Variants in ZNF664 observed in about 807,000 individuals in gnomAD.
The protein encoded by ZNF664 is zinc finger Organ of Corti 1.
A neutral mutation model predicts 18.2 loss-of-function variants in ZNF664; 10 were observed. The ratio of observed to expected loss-of-function variants is 0.55; its 90% CI spans 0.34 to 0.93. The LOEUF is 0.93. ZNF664 is among the 40% of genes least tolerant of loss of function. ZNF664 has a pLI of 0.02. For synonymous variants in ZNF664, 119 were observed against 104.2 expected (o/e 1.14, Z -0.86); for missense variants, 193 against 319.0 (o/e 0.61, Z 3.01).
intron 3 of ZNF664, among the ~76,000 whole-genome samples, chr12:123,992,769 T>C (rs1956903619): frequency 6.6e-6 from 1 of 152,194 alleles, no homozygotes; most frequent in African/African-American, 2.4e-5. Flanking sequence ...GCAGAATGCA[T>C]TGGTGCCTGA....
Position 124,013,094 on chromosome 12 carries a change from G to A in ZNF664, c.*164G>A. 1 of 992,232 alleles carries A rather than the reference G, an allele frequency of 1.0e-6. No individual in the cohort carries two copies. Among genetic ancestry groups the A allele is most frequent in the Non-Finnish European group, 1.5e-6 (1 of 686,390 alleles). The allele number at this position is 992,232 out of a possible 1,614,324, so 61.5% of individuals were successfully genotyped here. On this transcript the variant is annotated 3_prime_UTR_variant, in exon 5 of 5. Transcript: ENST00000337815. ...TGATTTGTTGGTTCATGCCAAGTGT[G>A]TTCCACAGGTTGACTTTGAATGTGG...
chr12:123,999,414 A>C (rs1445541570), intron 3 of ZNF664, among the ~76,000 whole-genome samples: 2 of 152,344 alleles, frequency 1.3e-5, no homozygotes, highest in South Asian at 4.1e-4. Flanking sequence ...GAGGGGGATT[A>C]TATATAGTTA....
At chr12:123,977,462 C>CAAAAAAA (rs58043898) in intron 2 of ZNF664, among the ~76,000 whole-genome samples, 3 of 94,174 alleles carry the variant, frequency 3.2e-5, no homozygotes, top group African/African-American at 7.4e-5. Context: ...CTAAAATGGC[C>CAAAAAAA]AAAAAAAAAA....
chr12:124,011,637 G>A lies in ZNF664; in HGVS notation c.-508G>A. Reference sequence around the variant, plus strand: ...GCCTGCTTGCTGGAAAGGCTTTCCTGTCTGATGTGCAGGAGGCAGAATGCC... The same window carrying A: ...GCCTGCTTGCTGGAAAGGCTTTCCTATCTGATGTGCAGGAGGCAGAATGCC... On this transcript the variant is annotated 5_prime_UTR_variant, in exon 5 of 5. Coordinates refer to ENST00000337815, the MANE Select transcript of ZNF664 (RefSeq NM_152437.3). The A allele has an allele frequency of 9.9e-7, 1 of 1,006,182 alleles. No homozygotes were observed. The highest frequency in any genetic ancestry group is 1.2e-6 in the Non-Finnish European group (1 of 846,272). The allele number at this position is 1,006,182 out of a possible 1,614,324, so 62.3% of individuals were successfully genotyped here.
Position 123,996,137 on chromosome 12 carries a change from A to T in ZNF664, c.-661+7999A>T, listed in dbSNP as rs539680042. 3.2e-4 allele frequency among the ~76,000 whole-genome samples: 49 copies of T among 152,326 alleles called. No individual in the cohort carries two copies. The South Asian group carries it at 8.9e-3, about 28-fold the overall frequency. On this transcript the variant is annotated intron_variant, in intron 3 of 4. Coordinates refer to ENST00000337815, the MANE Select transcript of ZNF664 (RefSeq NM_152437.3). ...CCAGGCAGGTACATTGAAGAAAGAA[A>T]GTATGTATTGAGCTTAAGTACTATA...
At chr12:123,976,035 G>A (rs557728045) in intron 2 of ZNF664, among the ~76,000 whole-genome samples, 11 of 152,116 alleles carry the variant, frequency 7.2e-5, no homozygotes, top group Non-Finnish European at 1.3e-4. Flanking sequence ...TACGATTAGG[G>A]GCTTTTTATG....
At chr12:123,978,131 T>A (rs776846140) in intron 2 of ZNF664, among the ~76,000 whole-genome samples, 12 of 151,790 alleles carry the variant, frequency 7.9e-5, no homozygotes, top group Non-Finnish European at 1.5e-4. Flanking sequence ...ATTAGTGTAT[T>A]AGACTACATA....
intron 2 of ZNF664, among the ~76,000 whole-genome samples, chr12:123,981,503 C>T (rs1458524219): frequency 1.3e-5 from 2 of 152,144 alleles, no homozygotes; most frequent in African/African-American, 4.8e-5. Context: ...TGCCCTGTGC[C>T]GGCTCAGGGC....
intron 4 of ZNF664, 27 bp from the exon 5 acceptor site, chr12:124,011,519 A>G (rs1957135861): frequency 1.2e-6 from 1 of 800,242 alleles, no homozygotes; most frequent in Non-Finnish European, 1.5e-6. Context: ...AGCATTTTCA[A>G]TTTATTTATT....
chr12:124,009,077 A>C (rs1019365819), intron 3 of ZNF664, among the ~76,000 whole-genome samples: 3 of 152,210 alleles, frequency 2.0e-5, no homozygotes, highest in Non-Finnish European at 4.4e-5. Flanking sequence ...TTTTTTCTTA[A>C]CTTTGATTTT....
Position 124,013,732 on chromosome 12 carries a change from C to A in ZNF664, c.*802C>A, listed in dbSNP as rs978419810. ...GAGGAAGAAGCAAGCAAAGTGAGAG[C>A]TTTTCTTCATCCAGAATTGCCCTCT... is the stretch of plus-strand genomic sequence containing the variant. On this transcript the variant is annotated 3_prime_UTR_variant, in exon 5 of 5. Coordinates refer to ENST00000337815, the MANE Select transcript of ZNF664 (RefSeq NM_152437.3). 1 of 167,106 alleles carries A rather than the reference C, an allele frequency of 6.0e-6. No individual in the cohort carries two copies. Among genetic ancestry groups the A allele is most frequent in the Non-Finnish European group, 1.5e-5 (1 of 68,140 alleles). 10.4% of individuals were successfully genotyped at this position (167,106 alleles called of 1,614,324 possible). A position where few individuals can be genotyped will look rare whatever the true frequency, so the allele number is the denominator to read the frequency against.
chr12:124,008,899 C>A (rs76109581), intron 3 of ZNF664, among the ~76,000 whole-genome samples: 2,996 of 152,034 alleles, frequency 0.02, 100 homozygotes, highest in African/African-American at 0.069. Context: ...CCCAGCCATT[C>A]CTCCAAGGAC....
intron 2 of ZNF664, among the ~76,000 whole-genome samples, chr12:123,986,036 C>A (rs1252268960): frequency 2.0e-5 from 3 of 151,462 alleles, no homozygotes; most frequent in African/African-American, 7.3e-5. Flanking sequence ...GCCTTAGGGA[C>A]TGTGCCTATA....
chr12:123,980,500 A>G (rs1956751385), intron 2 of ZNF664, among the ~76,000 whole-genome samples: 1 of 152,244 alleles, frequency 6.6e-6, no homozygotes, highest in Admixed American at 6.5e-5. Context: ...CTTTCTGCAC[A>G]AAATATGTAT....
In ZNF664 at chr12:123,973,611, C is replaced by T. The variant is rs531905579; in HGVS notation, c.-892+259C>T. On this transcript the variant is annotated intron_variant, in intron 1 of 4. Coordinates refer to ENST00000337815, the MANE Select transcript of ZNF664 (RefSeq NM_152437.3). ...GGGCCCGCAGTGCGGGGGAGCGGGG[C>T]CGGGGGGCGCAGATGGCGGCCGGTG... 265 of 423,056 alleles carry T rather than the reference C, an allele frequency of 6.3e-4. 3 individuals are homozygous for T. The Middle Eastern group carries it at 0.018, about 29-fold the overall frequency. The allele number at this position is 423,056 out of a possible 1,614,324, so 26.2% of individuals were successfully genotyped here. A position where few individuals can be genotyped will look rare whatever the true frequency, so the allele number is the denominator to read the frequency against.
chr12:123,973,437 G>A, intron 1 of ZNF664, 85 bp downstream of exon 1: 1 of 794,170 alleles, frequency 1.3e-6, no homozygotes, highest in Non-Finnish European at 1.5e-6. Context: ...GGCTGGGGGT[G>A]GGAAGGAGGT....
chr12:124,015,247 G>T lies in ZNF664; in HGVS notation c.*2317G>T, dbSNP rs1186064198. ...ATTTCCGAGTTTCCAGCTAGTCCTA[G>T]AGTTCTATATTTCTACATAGTTGAA... On this transcript the variant is annotated 3_prime_UTR_variant, in exon 5 of 5. Coordinates refer to ENST00000337815, the MANE Select transcript of ZNF664 (RefSeq NM_152437.3). The T allele has an allele frequency of 6.0e-6, 1 of 167,052 alleles. No homozygotes were observed. Among genetic ancestry groups the T allele is most frequent in the Non-Finnish European group, 1.5e-5 (1 of 68,126 alleles). The allele number at this position is 167,052 out of a possible 1,614,324, so 10.3% of individuals were successfully genotyped here.
At chr12:123,977,019 G>T (rs956403566) in intron 2 of ZNF664, among the ~76,000 whole-genome samples, 1 of 152,194 alleles carries the variant, frequency 6.6e-6, no homozygotes, top group Non-Finnish European at 1.5e-5. Flanking sequence ...GGTGGAGCTT[G>T]CAGTGAGCGG....
intron 3 of ZNF664, 109 bp from the exon 4 acceptor site, chr12:124,011,272 A>C: frequency 1.0e-6 from 1 of 979,986 alleles, no homozygotes; most frequent in Non-Finnish European, 1.2e-6. Context: ...TTTCTCTTTC[A>C]ATAATGTTCC....
Sources: gnomAD v4.1 joint callset for allele counts (sites outside exome capture counted in the v4.1 genomes callset) on GRCh38, gnomAD v4.1.1 for gene constraint, MANE v1.5 for transcripts, NCBI Gene and HGNC (gene_info 2026-07-23, HGNC 2026-07-21) for gene names.